The following VLDLR variants were observed in gnomAD, a reference collection of about 807,000 sequenced individuals.
VLDLR encodes the protein very low-density lipoprotein receptor.
In VLDLR, 81 loss-of-function variants were observed where a neutral mutation model predicts 112.7. That is an observed-to-expected ratio of 0.72 (90% confidence interval 0.60 to 0.86). The LOEUF is 0.86. Ranked by LOEUF, VLDLR falls within the 40% of genes least tolerant of loss-of-function variation. VLDLR has a pLI of 0.00. For synonymous variants in VLDLR, 436 were observed against 384.8 expected (o/e 1.13, Z -1.56); for missense variants, 1,237 against 1,099.4 (o/e 1.13, Z -1.77).
chr9:2,643,305 C>T lies in VLDLR; in HGVS notation c.594C>T (p.Phe198=). 1 of 1,613,858 alleles carries T rather than the reference C, an allele frequency of 6.2e-7. No individual in the cohort carries two copies. Among genetic ancestry groups the T allele is most frequent in the Non-Finnish European group, 8.5e-7 (1 of 1,179,796 alleles). The change falls in exon 5 of 19, where the codon TTC becomes TTT. Residue 198 remains phenylalanine, a synonymous_variant. Transcript: ENST00000382100. ...CAPPTCGAHE[F]QCSTSSCIPI... ...CGCCAACCTGTGGCGCCCATGAGTT[C>T]CAGTGCAGCACCTCCTCCTGCATCC...
chr9:2,642,526 C>CATTT (rs1033261504), intron 4 of VLDLR, among the ~76,000 whole-genome samples: 1 of 152,294 alleles, frequency 6.6e-6, no homozygotes, highest in Admixed American at 6.5e-5. Flanking sequence ...GACCTTGAAA[C>CATTT]ATTTGGCAGG....
chr9:2,648,815 C>T lies in VLDLR; in HGVS notation c.2104+5C>T, dbSNP rs201953557. ...ATGAACTTGTACAGCCATCAGGTACCGTGGAGAAGCACAGTCCTTAATAAC... is the reference window on the plus strand; with the variant it reads ...ATGAACTTGTACAGCCATCAGGTACTGTGGAGAAGCACAGTCCTTAATAAC... On this transcript the variant is annotated splice_donor_5th_base_variant and intron_variant, in intron 14 of 18. Coordinates refer to ENST00000382100, the MANE Select transcript of VLDLR (RefSeq NM_003383.5). 3.2e-4 allele frequency: 519 copies of T among 1,614,110 alleles called. No individual in the cohort carries two copies. Among genetic ancestry groups the T allele is most frequent in the South Asian group, 2.2e-3 (198 of 91,076 alleles).
At chr9:2,623,132 G>A (rs1321606296) in intron 1 of VLDLR, among the ~76,000 whole-genome samples, 2 of 152,232 alleles carry the variant, frequency 1.3e-5, no homozygotes, top group African/African-American at 4.8e-5. Context: ...CTACACAATA[G>A]CTCAAAGGAG....
chr9:2,623,740 C>G (rs1297144083), intron 1 of VLDLR, among the ~76,000 whole-genome samples: 1 of 152,104 alleles, frequency 6.6e-6, no homozygotes, highest in Admixed American at 6.5e-5. Context: ...GTAGGAGACT[C>G]CACAGGCTCT....
intron 7 of VLDLR, among the ~76,000 whole-genome samples, chr9:2,644,315 C>T (rs10967324): frequency 0.06 from 8,524 of 141,292 alleles, 353 homozygotes; most frequent in Non-Finnish European, 0.088. Flanking sequence ...CCCACCACCA[C>T]GCCCGGCTAA....
chr9:2,622,196 A>C lies in VLDLR; in HGVS notation c.7A>C (p.Thr3Pro), dbSNP rs1018964610. The C allele has an allele frequency of 6.0e-6, 9 of 1,496,924 alleles. No individual in the cohort carries two copies. The highest frequency in any genetic ancestry group is 8.0e-6 in the Non-Finnish European group (9 of 1,129,778). The allele number at this position is 1,496,924 out of a possible 1,614,324, so 92.7% of individuals were successfully genotyped here. A position where few individuals can be genotyped will look rare whatever the true frequency, so the allele number is the denominator to read the frequency against. The change falls in exon 1 of 19, where the codon ACG becomes CCG. Residue 3 changes from threonine to proline, a missense_variant. By Grantham distance (38) the Thr-to-Pro change is conservative. Transcript: ENST00000382100. The part of the protein sequence containing the change: MG[T>P]SALWALWLLL... Reference sequence around the variant, plus strand: ...CACCATCCAGGCGGGCACCATGGGCACGTCCGCGCTCTGGGCGCTCTGGCT... The same window carrying C: ...CACCATCCAGGCGGGCACCATGGGCCCGTCCGCGCTCTGGGCGCTCTGGCT...
chr9:2,630,427 G>C (rs1364657942), intron 1 of VLDLR, among the ~76,000 whole-genome samples: 1 of 152,034 alleles, frequency 6.6e-6, no homozygotes, highest in Non-Finnish European at 1.5e-5. Context: ...ATGAGTAAGG[G>C]CATGAGAGAT....
Position 2,645,560 on chromosome 9 carries a change from C to T in VLDLR, c.1313-14C>T. ...TTAAAGCAAAACTAAGTAACCCAGA[C>T]TTCCATCTTGCAGGCAAAGAGCCAA... On this transcript the variant is annotated splice_polypyrimidine_tract_variant and intron_variant, in intron 9 of 18. Transcript: ENST00000382100. 1 of 1,614,238 alleles carries T rather than the reference C, an allele frequency of 6.2e-7. No homozygotes were observed. Among genetic ancestry groups the T allele is most frequent in the South Asian group, 1.1e-5 (1 of 91,088 alleles).
intron 1 of VLDLR, among the ~76,000 whole-genome samples, chr9:2,632,941 T>C (rs955695600): frequency 4.6e-5 from 7 of 151,964 alleles, no homozygotes; most frequent in Non-Finnish European, 7.4e-5. Context: ...CAGCTTGTCT[T>C]CCCACCCCCA....
chr9:2,644,701 A>C (rs1387701997), intron 7 of VLDLR, 33 bp from the exon 8 acceptor site: 1 of 1,613,906 alleles, frequency 6.2e-7, no homozygotes, highest in Non-Finnish European at 8.5e-7. Context: ...ATTGAAAATA[A>C]GTTGTCAAGT....
rs561383723 is a variant in VLDLR at position 2,659,189 on chromosome 9, A to G, written c.*5321A>G. The G allele has an allele frequency of 5.7e-4, 87 of 152,344 alleles. No homozygotes were observed. The highest frequency in any genetic ancestry group is 2.0e-3 in the African/African-American group (84 of 41,578). The allele number at this position is 152,344 out of a possible 1,614,324, so 9.4% of individuals were successfully genotyped here. On this transcript the variant is annotated 3_prime_UTR_variant, in exon 19 of 19. Coordinates refer to ENST00000382100, the MANE Select transcript of VLDLR (RefSeq NM_003383.5). ...ATAGGTATCTCCATTTTACATAGGT[A>G]AAAACTGAGGCTACAAACAATCTAT...
In VLDLR at chr9:2,622,243, GC is replaced by G; in HGVS notation, c.58del (p.Arg20GlyfsTer49). On this transcript the variant is annotated frameshift_variant, in exon 1 of 19. Coordinates refer to ENST00000382100, the MANE Select transcript of VLDLR (RefSeq NM_003383.5). LOFTEE classifies it high-confidence loss of function. ...LWLLLALCWA[P>X]RESGATGTGR... ...GGCTGCTGCTCGCGCTGTGCTGGGCGCCCCGGGAGAGCGGCGCCACCGGAAC... is the reference window on the plus strand; with the variant it reads ...GGCTGCTGCTCGCGCTGTGCTGGGCGCCCGGGAGAGCGGCGCCACCGGAAC... The G allele has an allele frequency of 1.3e-6, 2 of 1,496,016 alleles. No individual in the cohort carries two copies. Among genetic ancestry groups the G allele is most frequent in the Non-Finnish European group, 1.8e-6 (2 of 1,129,352 alleles). The allele number at this position is 1,496,016 out of a possible 1,614,324, so 92.7% of individuals were successfully genotyped here. A position where few individuals can be genotyped will look rare whatever the true frequency, so the allele number is the denominator to read the frequency against.
chr9:2,641,763 G>C (rs1403319125), intron 4 of VLDLR, among the ~76,000 whole-genome samples: 1 of 152,168 alleles, frequency 6.6e-6, no homozygotes, highest in Non-Finnish European at 1.5e-5. Flanking sequence ...TATAGAAGTA[G>C]CTCAGGGAAG....
chr9:2,641,101 G>A (rs985770764), intron 3 of VLDLR, among the ~76,000 whole-genome samples: 7 of 152,064 alleles, frequency 4.6e-5, no homozygotes, highest in Admixed American at 3.3e-4. Flanking sequence ...ACTTCACCAC[G>A]CCAAGTAAAA....
rs975743710 is a variant in VLDLR, at chr9:2,651,315, A to C, written c.2252-100A>C. 2.5e-5 allele frequency: 24 copies of C among 974,810 alleles called. No homozygotes were observed. The African/African-American group carries it at 3.6e-4, about 15-fold the overall frequency. The allele number at this position is 974,810 out of a possible 1,614,324, so 60.4% of individuals were successfully genotyped here. ...AGTTCAGCAGTGGTTTGTCTATTTT[A>C]CCTGGTTTTAAAATAACCTTTTACA... On this transcript the variant is annotated intron_variant, in intron 15 of 18. Transcript: ENST00000382100.
chr9:2,637,602 G>A (rs1267817524), intron 2 of VLDLR, among the ~76,000 whole-genome samples: 1 of 151,788 alleles, frequency 6.6e-6, no homozygotes, highest in Non-Finnish European at 1.5e-5. Flanking sequence ...CAAACACTGT[G>A]GTATACAGCC....
In VLDLR at chr9:2,636,878, C is replaced by G. The variant is rs55712685; in HGVS notation, c.202+1306C>G. ...CTTCTAAACGATATATTTGGCAAAACCCATTGCTTGTTCTTAAAAAGTAAT... is the reference window on the plus strand; with the variant it reads ...CTTCTAAACGATATATTTGGCAAAAGCCATTGCTTGTTCTTAAAAAGTAAT... On this transcript the variant is annotated intron_variant, in intron 2 of 18. Transcript: ENST00000382100. Among the ~76,000 whole-genome samples the G allele has an allele frequency of 6.0e-3, 918 of 152,264 alleles. 15 individuals are homozygous for G. The highest frequency in any genetic ancestry group is 0.024 in the Middle Eastern group (7 of 294).
At chr9:2,650,914 G>A (rs36036004) in intron 15 of VLDLR, among the ~76,000 whole-genome samples, 38,770 of 151,888 alleles carry the variant, frequency 0.26, 5,804 homozygotes, top group African/African-American at 0.39. Flanking sequence ...ATAACACTTA[G>A]GCTGAATTTG....
intron 12 of VLDLR, 89 bp from the exon 13 acceptor site, chr9:2,648,119 G>C: frequency 6.4e-7 from 1 of 1,568,770 alleles, no homozygotes; most frequent in African/African-American, 1.4e-5. Flanking sequence ...AAAGAACCGT[G>C]AAAGTAGATT....
Sources: allele counts gnomAD v4.1 joint callset (sites outside exome capture counted in the v4.1 genomes callset), GRCh38; gene constraint gnomAD v4.1.1; transcripts MANE v1.5; gene names NCBI Gene and HGNC (gene_info 2026-07-23, HGNC 2026-07-21).